KIF13B: variants seen among roughly 807,000 people sequenced by gnomAD.
The protein encoded by KIF13B is kinesin-like protein KIF13B.
A neutral mutation model predicts 222.0 loss-of-function variants in KIF13B; 127 were observed. The observed-to-expected ratio is 0.57, with a 90% CI of 0.50 to 0.66. The LOEUF is 0.66. Ranked by LOEUF, KIF13B falls within the 30% of genes least tolerant of loss-of-function variation. The probability of loss-of-function intolerance (pLI) is 0.00; values close to 1 mark genes in which losing one functional copy is unlikely to be tolerated. For missense variants in KIF13B, 2,173 were observed against 2,379.0 expected (o/e 0.91, Z 1.80); for synonymous variants, 976 against 919.0 (o/e 1.06, Z -1.12).
At chr8:29,232,471 T>G (rs976366722) in intron 2 of KIF13B, among the ~76,000 whole-genome samples, 3 of 149,612 alleles carry the variant, frequency 2.0e-5, no homozygotes, top group African/African-American at 7.3e-5. Flanking sequence ...TAAAGAAAGA[T>G]TCCAGCTACA....
intron 20 of KIF13B, 38 bp from the exon 21 acceptor site, chr8:29,140,229 T>A (rs1304349375): frequency 6.2e-7 from 1 of 1,611,548 alleles, no homozygotes; most frequent in Non-Finnish European, 8.5e-7. Context: ...TTTCTCCAGA[T>A]TTGGTTCGTG....
intron 34 of KIF13B, 100 bp from the exon 35 acceptor site, chr8:29,108,292 A>C: frequency 9.1e-7 from 1 of 1,103,470 alleles, no homozygotes; most frequent in Non-Finnish European, 1.3e-6. Flanking sequence ...CGAACGTCAA[A>C]GTTGGGTGGC....
intron 12 of KIF13B, among the ~76,000 whole-genome samples, 154 bp downstream of exon 12, chr8:29,165,508 C>T (rs1811953578): frequency 6.6e-6 from 1 of 152,130 alleles, no homozygotes; most frequent in African/African-American, 2.4e-5. Context: ...ATTAATTTTG[C>T]AAAGTATAGA....
intron 18 of KIF13B, among the ~76,000 whole-genome samples, chr8:29,143,152 A>G (rs542575849): frequency 7.2e-5 from 11 of 152,166 alleles, no homozygotes; most frequent in Non-Finnish European, 1.3e-4. Context: ...CCACATTTAA[A>G]TTTTGACTGT....
intron 6 of KIF13B, 105 bp downstream of exon 6, chr8:29,186,187 G>T: frequency 1.2e-6 from 1 of 843,732 alleles, no homozygotes. Context: ...AAGCCTATGT[G>T]ACAGAGCGAG....
At chr8:29,173,612 C>A (rs1401982780) in intron 10 of KIF13B, among the ~76,000 whole-genome samples, 1 of 149,910 alleles carries the variant, frequency 6.7e-6, no homozygotes, top group African/African-American at 2.4e-5. Context: ...ACAGAGAGAC[C>A]CTGTCTCCAA....
intron 24 of KIF13B, among the ~76,000 whole-genome samples, chr8:29,129,451 T>C (rs936194262): frequency 6.6e-6 from 1 of 152,234 alleles, no homozygotes; most frequent in East Asian, 1.9e-4. Context: ...AACAAGTGTT[T>C]ATCATCATCC....
chr8:29,103,863 G>A (rs1423765127), intron 35 of KIF13B, among the ~76,000 whole-genome samples: 5 of 152,218 alleles, frequency 3.3e-5, no homozygotes, highest in Middle Eastern at 3.4e-3. Context: ...GTCCAGAAGC[G>A]TTAACACAAC....
rs189676188 is a variant in KIF13B, at chr8:29,236,519, T to A, written c.149+8827A>T. On this transcript the variant is annotated intron_variant, in intron 2 of 39. Transcript: ENST00000524189. Reference sequence around the variant, plus strand: ...AATAAAACTTTTACATATTCGATGATCTTTACATAAATTCTATTTCAATTT... The same window carrying A: ...AATAAAACTTTTACATATTCGATGAACTTTACATAAATTCTATTTCAATTT... Among the ~76,000 whole-genome samples, 3 of 152,224 alleles carry A rather than the reference T, an allele frequency of 2.0e-5. No homozygotes were observed. In the South Asian group the frequency reaches 6.2e-4, roughly 31 times the overall value.
chr8:29,070,238 A>C lies in KIF13B; in HGVS notation c.*266T>G. ...CAGGCGCTGCACCACCCAGGGTCTC[A>C]GTCCTAGCATCCCCCAGCCCCTGCG... On this transcript the variant is annotated 3_prime_UTR_variant, in exon 40 of 40. Coordinates refer to ENST00000524189, the MANE Select transcript of KIF13B (RefSeq NM_015254.4). The surrounding 1 kb of genome is among the most constrained non-coding windows in gnomAD (Gnocchi z 4.1). 1 of 533,834 alleles carries C rather than the reference A, an allele frequency of 1.9e-6. No homozygotes were observed. The highest frequency in any genetic ancestry group is 3.3e-6 in the Non-Finnish European group (1 of 302,358). 33.1% of individuals were successfully genotyped at this position (533,834 alleles called of 1,614,324 possible). A position where few individuals can be genotyped will look rare whatever the true frequency, so the allele number is the denominator to read the frequency against.
chr8:29,153,037 G>A (rs897938629), intron 14 of KIF13B, among the ~76,000 whole-genome samples: 2 of 152,134 alleles, frequency 1.3e-5, no homozygotes, highest in African/African-American at 4.8e-5. Context: ...GTCCGAACCT[G>A]CAAAGTCTCC....
In KIF13B at chr8:29,185,699, G is replaced by C. The variant is rs375543787; in HGVS notation, c.497+593C>G. Reference sequence around the variant, plus strand: ...CCTCCTGTTGTCCTGCAAACTTTCTGTAGGCCTCAGCTTATTTGGCTCTTT... The same window carrying C: ...CCTCCTGTTGTCCTGCAAACTTTCTCTAGGCCTCAGCTTATTTGGCTCTTT... On this transcript the variant is annotated intron_variant, in intron 6 of 39. Coordinates refer to ENST00000524189, the MANE Select transcript of KIF13B (RefSeq NM_015254.4). 1.6e-3 allele frequency among the ~76,000 whole-genome samples: 238 copies of C among 152,290 alleles called. 1 individual carries two copies. The highest frequency in any genetic ancestry group is 5.5e-3 in the African/African-American group (228 of 41,538).
At chr8:29,147,312 C>T (rs1811099056) in intron 17 of KIF13B, 80 bp downstream of exon 17, 2 of 985,050 alleles carry the variant, frequency 2.0e-6, no homozygotes, top group South Asian at 3.0e-5. Flanking sequence ...TCTTAATGTT[C>T]CCATTTGACA....
intron 6 of KIF13B, among the ~76,000 whole-genome samples, chr8:29,182,771 T>G (rs144784620): frequency 6.6e-6 from 1 of 152,102 alleles, no homozygotes; most frequent in East Asian, 1.9e-4. Context: ...GGTACAAAGT[T>G]TCTGTTAGGA....
intron 6 of KIF13B, among the ~76,000 whole-genome samples, chr8:29,185,855 C>T (rs963672763): frequency 9.9e-5 from 15 of 152,158 alleles, no homozygotes; most frequent in African/African-American, 3.1e-4. Flanking sequence ...TTCTAGATAC[C>T]GTGCACTTTC....
At chr8:29,160,712 T>G in intron 13 of KIF13B, 21 bp downstream of exon 13, 2 of 1,603,336 alleles carry the variant, frequency 1.2e-6, no homozygotes, top group Non-Finnish European at 1.7e-6. Context: ...AAGAATCTAG[T>G]AGCAAAGCAC....
intron 2 of KIF13B, among the ~76,000 whole-genome samples, chr8:29,243,677 GAAAA>G (rs768828173): frequency 4.8e-4 from 73 of 151,370 alleles, no homozygotes; most frequent in Non-Finnish European, 8.6e-4. Flanking sequence ...AGAAAGAAAA[GAAAA>G]AAAAGAAAAA....
intron 29 of KIF13B, among the ~76,000 whole-genome samples, chr8:29,121,721 T>G (rs1288895312): frequency 6.8e-6 from 1 of 146,168 alleles, no homozygotes; most frequent in Non-Finnish European, 1.5e-5. Flanking sequence ...CTAATTAAAC[T>G]AAAGAGCTTC....
chr8:29,204,909 A>G (rs1198820601), intron 2 of KIF13B, among the ~76,000 whole-genome samples: 1 of 152,220 alleles, frequency 6.6e-6, no homozygotes, highest in African/African-American at 2.4e-5. Flanking sequence ...ATATGACTGA[A>G]TTTCTGCTTG....
Sources: allele counts gnomAD v4.1 joint callset (sites outside exome capture counted in the v4.1 genomes callset), GRCh38; gene constraint gnomAD v4.1.1; non-coding constraint Gnocchi (gnomAD v3.1); transcripts MANE v1.5; gene names NCBI Gene and HGNC (gene_info 2026-07-23, HGNC 2026-07-21).